CSMD1: variants seen among roughly 807,000 people sequenced by gnomAD.
The protein encoded by CSMD1 is CUB and sushi domain-containing protein 1.
In CSMD1, 213 loss-of-function variants were observed where a neutral mutation model predicts 417.5. That is an observed-to-expected ratio of 0.51 (90% CI 0.46 to 0.57). CSMD1 has a LOEUF of 0.57. CSMD1 is among the 20% of genes least tolerant of loss of function. CSMD1 has a pLI of 0.00. For missense variants in CSMD1, 6,923 were observed against 4,529.7 expected (o/e 1.53, Z -15.17); for synonymous variants, 2,862 against 1,736.8 (o/e 1.65, Z -16.11).
At chr8:4,704,989 G>T (rs898166773) in intron 1 of CSMD1, among the ~76,000 whole-genome samples, 2 of 152,182 alleles carry the variant, frequency 1.3e-5, no homozygotes, top group Admixed American at 6.5e-5. Context: ...ATCCCTACAC[G>T]TGTTGAGGAA....
At chr8:4,027,016 C>A (rs934964830) in intron 4 of CSMD1, among the ~76,000 whole-genome samples, 4 of 152,210 alleles carry the variant, frequency 2.6e-5, no homozygotes, top group Non-Finnish European at 5.9e-5. Context: ...AATAAGCTAA[C>A]CACATGATGT....
At chr8:3,875,139 C>A (rs979831983) in intron 5 of CSMD1, among the ~76,000 whole-genome samples, 1 of 152,006 alleles carries the variant, frequency 6.6e-6, no homozygotes, top group Non-Finnish European at 1.5e-5. Context: ...TTGGAAATTA[C>A]TCGATGTAAA....
intron 1 of CSMD1, among the ~76,000 whole-genome samples, chr8:4,857,867 C>T (rs1295785318): frequency 1.3e-5 from 2 of 151,812 alleles, no homozygotes; most frequent in East Asian, 3.9e-4. Flanking sequence ...CCTTCTGAAA[C>T]TATTCCAATC....
At chr8:4,713,025 G>C (rs2725084) in intron 1 of CSMD1, among the ~76,000 whole-genome samples, 6,232 of 152,286 alleles carry the variant, frequency 0.041, 145 homozygotes, top group African/African-American at 0.067. Context: ...TGACTACAAG[G>C]TGTGATCTTA....
chr8:4,647,815 A>T (rs1803633820), intron 1 of CSMD1, among the ~76,000 whole-genome samples: 1 of 152,134 alleles, frequency 6.6e-6, no homozygotes, highest in Non-Finnish European at 1.5e-5. Context: ...CCAGTCTATC[A>T]CTGATGGGCG....
intron 1 of CSMD1, among the ~76,000 whole-genome samples, chr8:4,899,846 T>G (rs929301420): frequency 6.6e-6 from 1 of 152,170 alleles, no homozygotes; most frequent in African/African-American, 2.4e-5. Context: ...GTCTTGCAGA[T>G]AGCTTTTTCT....
At chr8:3,357,595 C>T (rs2117699143) in intron 21 of CSMD1, among the ~76,000 whole-genome samples, 1 of 152,254 alleles carries the variant, frequency 6.6e-6, no homozygotes, top group Non-Finnish European at 1.5e-5. Context: ...AATAGAATAA[C>T]ATTTAATGGG....
chr8:3,571,573 C>T (rs944429737), intron 10 of CSMD1, among the ~76,000 whole-genome samples: 1 of 152,072 alleles, frequency 6.6e-6, no homozygotes, highest in Non-Finnish European at 1.5e-5. Context: ...CTCCTGTTTC[C>T]CACACCCACG....
chr8:3,969,110 G>A (rs1392362883), intron 5 of CSMD1, among the ~76,000 whole-genome samples: 2 of 152,096 alleles, frequency 1.3e-5, no homozygotes, highest in Non-Finnish European at 2.9e-5. Context: ...AATTAGCCAG[G>A]CTTGGTGGCA....
chr8:4,631,936 T>A (rs746062082), intron 2 of CSMD1, among the ~76,000 whole-genome samples: 1 of 152,312 alleles, frequency 6.6e-6, no homozygotes, highest in African/African-American at 2.4e-5. Flanking sequence ...TCTCCCTTCA[T>A]AGATTCGCCT....
At chr8:3,838,704 TATA>T (rs2129092180) in intron 5 of CSMD1, among the ~76,000 whole-genome samples, 1 of 75,684 alleles carries the variant, frequency 1.3e-5, no homozygotes, top group South Asian at 3.4e-4. Context: ...ATAAATATTA[TATA>T]GTATAATATA....
intron 4 of CSMD1, among the ~76,000 whole-genome samples, chr8:4,021,529 C>A (rs757421573): frequency 6.6e-6 from 1 of 152,092 alleles, no homozygotes; most frequent in African/African-American, 2.4e-5. Context: ...TGTGGATGCT[C>A]CAGCAAGGAT....
chr8:3,229,284 G>GATTAA, intron 27 of CSMD1, among the ~76,000 whole-genome samples: 1 of 152,252 alleles, frequency 6.6e-6, no homozygotes, highest in South Asian at 2.1e-4. Context: ...ATTAAACTGT[G>GATTAA]ACAGTTACTT....
Position 3,468,776 on chromosome 8 carries a change from C to G in CSMD1, c.1497G>C (p.Gln499His), listed in dbSNP as rs374216911. 5.7e-5 allele frequency: 92 copies of G among 1,606,344 alleles called. No individual in the cohort carries two copies. The highest frequency in any genetic ancestry group is 1.1e-5 in the South Asian group (1 of 89,234). The stretch of plus-strand genomic sequence containing the variant: ...CATCCGACTGCAGATGTAGCCACAT[C>G]TGGTTGCTCATGCTCACAATGAGGT... ...VPDLIVSMSN[Q>H]MWLHLQSDDS... Residue 499 changes from glutamine (Q) to histidine (H), a missense_variant, in exon 12 of 70, where the codon CAG becomes CAC. Coordinates refer to ENST00000635120, the MANE Select transcript of CSMD1 (RefSeq NM_033225.6).
intron 3 of CSMD1, among the ~76,000 whole-genome samples, chr8:4,171,123 G>T (rs953297118): frequency 4.0e-5 from 6 of 151,824 alleles, no homozygotes; most frequent in Admixed American, 3.3e-4. Flanking sequence ...AGCACACAAA[G>T]GTGAGGTATC....
chr8:4,076,352 C>G (rs562770987), intron 3 of CSMD1, among the ~76,000 whole-genome samples: 44 of 152,326 alleles, frequency 2.9e-4, no homozygotes, highest in Middle Eastern at 6.8e-3. Flanking sequence ...AATCAAACCT[C>G]TTTCCTTTAA....
intron 62 of CSMD1, among the ~76,000 whole-genome samples, chr8:2,958,484 C>G (rs1329168996): frequency 6.6e-6 from 1 of 152,206 alleles, no homozygotes; most frequent in Non-Finnish European, 1.5e-5. Context: ...TTTATTCACC[C>G]ATGTGTGTTC....
intron 1 of CSMD1, among the ~76,000 whole-genome samples, chr8:4,914,987 G>A (rs1398110630): frequency 1.3e-5 from 2 of 152,146 alleles, no homozygotes; most frequent in African/African-American, 2.4e-5. Context: ...AAATTACCAG[G>A]CAATAGCTAC....
At chr8:4,243,407 T>C (rs1461476686) in intron 3 of CSMD1, among the ~76,000 whole-genome samples, 1 of 152,204 alleles carries the variant, frequency 6.6e-6, no homozygotes, top group Non-Finnish European at 1.5e-5. Context: ...ACTCATCCTC[T>C]ACTGACCACT....
Sources: gnomAD v4.1 joint callset for allele counts (sites outside exome capture counted in the v4.1 genomes callset) on GRCh38, gnomAD v4.1.1 for gene constraint, MANE v1.5 for transcripts, NCBI Gene and HGNC (gene_info 2026-07-23, HGNC 2026-07-21) for gene names.